The following NCK2 variants were observed in gnomAD, a reference collection of about 807,000 sequenced individuals.
NCK2 encodes NCK adaptor protein 2.
NCK2 carries 16 observed loss-of-function variants against 33.9 expected under a neutral mutation model. The ratio of observed to expected loss-of-function variants is 0.47; its 90% CI spans 0.32 to 0.72. NCK2 has a LOEUF of 0.72. Among genes scored for constraint, NCK2 ranks in the 30% least tolerant of loss-of-function variants. The pLI, the probability that NCK2 is intolerant of heterozygous loss-of-function variation, is 0.03. For missense variants in NCK2, 418 were observed against 537.3 expected, an observed-to-expected ratio of 0.78 and a Z score of 2.19; for synonymous variants, 273 against 239.9, an observed-to-expected ratio of 1.14 and a Z score of -1.27.
At chr2:105,866,403 T>C (rs996446014) in intron 3 of NCK2, among the ~76,000 whole-genome samples, 21 of 152,220 alleles carry the variant, frequency 1.4e-4, no homozygotes, top group African/African-American at 4.8e-4. Context: ...GCTGTCACAG[T>C]GCAGTTCATC....
At position 105,773,765 on chromosome 2, in the gene NCK2, G is replaced by A. The variant is rs948898949; in HGVS notation, c.-201+28627G>A. On this transcript the variant is annotated intron_variant, in intron 1 of 4. Coordinates refer to ENST00000233154, the MANE Select transcript of NCK2 (RefSeq NM_003581.5). ...CCCTGGTGATCCTGCGGTGGAAAAG[G>A]AGCACCCAAGTGCTTGCTCCCCTGA... 4.7e-4 allele frequency among the ~76,000 whole-genome samples: 71 copies of A among 152,272 alleles called. 1 individual carries two copies. Among genetic ancestry groups the A allele is most frequent in the East Asian group, 3.9e-4 (2 of 5,188 alleles).
chr2:105,835,386 C>CACGTATATATATGTATATATATATAT (rs1676354931), intron 2 of NCK2, among the ~76,000 whole-genome samples: 1 of 5,700 alleles, frequency 1.8e-4, no homozygotes. Flanking sequence ...CATATATATA[C>CACGTATATATATGTATATATATATAT]ACATATATAT....
chr2:105,859,224 G>C (rs139774383), intron 3 of NCK2, among the ~76,000 whole-genome samples: 6 of 152,298 alleles, frequency 3.9e-5, no homozygotes, highest in Non-Finnish European at 5.9e-5. Flanking sequence ...TATGACACCA[G>C]CTGGAGCCTT....
chr2:105,762,323 C>G (rs1226041221), intron 1 of NCK2, among the ~76,000 whole-genome samples: 5 of 152,206 alleles, frequency 3.3e-5, no homozygotes, highest in Admixed American at 3.3e-4. Flanking sequence ...GGCCCGGGCG[C>G]TTCCTGCTGT....
intron 1 of NCK2, among the ~76,000 whole-genome samples, chr2:105,810,309 AGT>A (rs1252391136): frequency 1.3e-5 from 2 of 152,020 alleles, no homozygotes; most frequent in Non-Finnish European, 1.5e-5. Flanking sequence ...AAAAAACAAA[AGT>A]GTGTGTGTGT....
chr2:105,749,841 G>A (rs1335773409), intron 1 of NCK2, among the ~76,000 whole-genome samples: 1 of 152,096 alleles, frequency 6.6e-6, no homozygotes, highest in Non-Finnish European at 1.5e-5. Flanking sequence ...TTTAGTGCGT[G>A]TATTAGTCAG....
intron 1 of NCK2, 32 bp from the exon 2 acceptor site, chr2:105,816,398 A>C (rs966659179): frequency 6.6e-6 from 1 of 152,360 alleles, no homozygotes; most frequent in Non-Finnish European, 1.5e-5. Context: ...CAAAGAAGCA[A>C]GCAGACCTAA....
At chr2:105,748,792 T>C (rs1427591897) in intron 1 of NCK2, among the ~76,000 whole-genome samples, 1 of 152,142 alleles carries the variant, frequency 6.6e-6, no homozygotes, top group Admixed American at 6.5e-5. Context: ...TTGCCACTTA[T>C]ACACAATGAG....
At position 105,777,299 on chromosome 2, in the gene NCK2, G is replaced by T. The variant is rs142479667; in HGVS notation, c.-201+32161G>T. Among the ~76,000 whole-genome samples the T allele has an allele frequency of 2.0e-4, 30 of 152,254 alleles. No homozygotes were observed. The East Asian group carries it at 5.4e-3, about 27-fold the overall frequency. ...CCTCCTGCCTTTTAATGTTGCACCT[G>T]GTTGTGTCTTTGACAGAACTTAACC... On this transcript the variant is annotated intron_variant, in intron 1 of 4. Transcript: ENST00000233154.
intron 1 of NCK2, among the ~76,000 whole-genome samples, chr2:105,803,817 G>T (rs1040489989): frequency 6.6e-6 from 1 of 152,190 alleles, no homozygotes; most frequent in African/African-American, 2.4e-5. Context: ...ATAAACTGCA[G>T]ATGTTCTAAT....
chr2:105,782,276 G>A (rs895619807), intron 1 of NCK2, among the ~76,000 whole-genome samples: 1 of 151,684 alleles, frequency 6.6e-6, no homozygotes, highest in African/African-American at 2.4e-5. Context: ...TGGTGTAGAT[G>A]GATGGATTAT....
At chr2:105,784,482 A>C (rs1212407777) in intron 1 of NCK2, among the ~76,000 whole-genome samples, 3 of 152,226 alleles carry the variant, frequency 2.0e-5, no homozygotes, top group African/African-American at 7.2e-5. Flanking sequence ...GTGAAGGGGC[A>C]TGTTAAATTC....
At chr2:105,777,097 G>T (rs1385315287) in intron 1 of NCK2, among the ~76,000 whole-genome samples, 1 of 152,048 alleles carries the variant, frequency 6.6e-6, no homozygotes, top group Non-Finnish European at 1.5e-5. Flanking sequence ...GAGAGCAGGT[G>T]CTCTCCTCAC....
In NCK2 at chr2:105,894,020, C is replaced by CACACACTATA. The variant is rs1553464584; in HGVS notation, c.*844_*845insACACACTATA. On this transcript the variant is annotated 3_prime_UTR_variant, in exon 5 of 5. Transcript: ENST00000233154. Reference sequence around the variant, plus strand: ...ACGTGCACACACACACACACACACACTATATATATATATATTATTTACAGG... The same window carrying CACACACTATA: ...ACGTGCACACACACACACACACACACACACACTATATATATATATATATATTATTTACAGG... The CACACACTATA allele has an allele frequency of 2.3e-5, 2 of 85,688 alleles. No homozygotes were observed. The allele number at this position is 85,688 out of a possible 1,614,324, so 5.3% of individuals were successfully genotyped here.
chr2:105,879,831 T>C (rs1216313711), intron 3 of NCK2, among the ~76,000 whole-genome samples: 1 of 152,164 alleles, frequency 6.6e-6, no homozygotes, highest in African/African-American at 2.4e-5. Context: ...TTTACTCTAG[T>C]TTAAGGAAGA....
At chr2:105,862,675 T>C (rs1344680336) in intron 3 of NCK2, among the ~76,000 whole-genome samples, 1 of 152,196 alleles carries the variant, frequency 6.6e-6, no homozygotes, top group Non-Finnish European at 1.5e-5. Context: ...TAGTCATGTA[T>C]TGATATAAAT....
chr2:105,834,149 G>C (rs1300000621), intron 2 of NCK2, among the ~76,000 whole-genome samples: 1 of 152,200 alleles, frequency 6.6e-6, no homozygotes, highest in Admixed American at 6.5e-5. Flanking sequence ...ATGTCTGTTA[G>C]GTGAGTTTGA....
chr2:105,761,762 C>A (rs1689770475), intron 1 of NCK2, among the ~76,000 whole-genome samples: 1 of 152,112 alleles, frequency 6.6e-6, no homozygotes, highest in African/African-American at 2.4e-5. Flanking sequence ...TGCCTGTAGT[C>A]CCAGCTACTT....
intron 1 of NCK2, among the ~76,000 whole-genome samples, chr2:105,800,321 G>C (rs577656888): frequency 6.6e-6 from 1 of 152,202 alleles, no homozygotes; most frequent in Non-Finnish European, 1.5e-5. Flanking sequence ...GTAATGAGGT[G>C]TTGTCTTGTT....
Sources: gnomAD v4.1 joint callset for allele counts (sites outside exome capture counted in the v4.1 genomes callset) on GRCh38, gnomAD v4.1.1 for gene constraint, MANE v1.5 for transcripts, NCBI Gene and HGNC (gene_info 2026-07-23, HGNC 2026-07-21) for gene names.